YWHAB: variants seen among roughly 807,000 people sequenced by gnomAD.
YWHAB encodes tyrosine 3-monooxygenase/tryptophan 5-monooxygenase activation protein beta.
In YWHAB, 2 loss-of-function variants were observed where a neutral mutation model predicts 28.5. The ratio of observed to expected loss-of-function variants is 0.07; its 90% confidence interval spans 0.03 to 0.22. YWHAB has a LOEUF of 0.22. YWHAB is among the 10% of genes least tolerant of loss of function. YWHAB has a pLI of 1.00. For synonymous variants in YWHAB, 103 were observed against 104.7 expected (o/e 0.98, Z 0.10); for missense variants, 148 against 297.1 (o/e 0.50, Z 3.69).
intron 1 of YWHAB, among the ~76,000 whole-genome samples, chr20:44,893,738 G>A (rs959777864): frequency 4.3e-5 from 5 of 117,408 alleles, no homozygotes; most frequent in Admixed American, 1.2e-4. Flanking sequence ...CGCTCTTGTC[G>A]CCCAGGCTGG....
chr20:44,891,572 C>G (rs926571633), intron 1 of YWHAB, among the ~76,000 whole-genome samples: 2 of 152,208 alleles, frequency 1.3e-5, no homozygotes, highest in African/African-American at 4.8e-5. Flanking sequence ...CTTTATGGAT[C>G]AGAATTAACA....
At chr20:44,886,222 C>T (rs1433043370) in intron 1 of YWHAB, 1 of 152,534 alleles carries the variant, frequency 6.6e-6, no homozygotes, top group African/African-American at 2.4e-5. Context: ...CGACCCCTCC[C>T]TGCGTCTTGG....
chr20:44,890,798 C>CA (rs1430850065), intron 1 of YWHAB, among the ~76,000 whole-genome samples: 1 of 151,764 alleles, frequency 6.6e-6, no homozygotes, highest in Non-Finnish European at 1.5e-5. Flanking sequence ...CGTGAGCCAC[C>CA]ACGCCTGGCT....
At chr20:44,903,920 A>G (rs1029693396) in intron 2 of YWHAB, 73 bp from the exon 3 acceptor site, 5 of 1,516,668 alleles carry the variant, frequency 3.3e-6, no homozygotes, top group African/African-American at 1.4e-5. Context: ...GCAGTAGTGT[A>G]TATCTTGAAT....
At chr20:44,888,555 C>G (rs545789753) in intron 1 of YWHAB, among the ~76,000 whole-genome samples, 1 of 152,182 alleles carries the variant, frequency 6.6e-6, no homozygotes, top group East Asian at 1.9e-4. Flanking sequence ...AGAGACAGCA[C>G]ATGTATATGT....
intron 1 of YWHAB, among the ~76,000 whole-genome samples, chr20:44,898,404 T>C (rs2066607833): frequency 6.6e-6 from 1 of 152,198 alleles, no homozygotes; most frequent in African/African-American, 2.4e-5. Context: ...CCCTAAAACA[T>C]TTTTAGGTGA....
At chr20:44,903,213 A>T in intron 2 of YWHAB, 1 of 436,268 alleles carries the variant, frequency 2.3e-6, no homozygotes, top group Non-Finnish European at 3.1e-6. Context: ...TAAGCGCTTT[A>T]TGTATGTCAA....
At chr20:44,899,705 T>G (rs2066615880) in intron 1 of YWHAB, among the ~76,000 whole-genome samples, 1 of 152,220 alleles carries the variant, frequency 6.6e-6, no homozygotes, top group African/African-American at 2.4e-5. Context: ...CCGCACTCTG[T>G]AAATGGTGAT....
At chr20:44,898,621 G>A (rs1202574240) in intron 1 of YWHAB, among the ~76,000 whole-genome samples, 1 of 151,356 alleles carries the variant, frequency 6.6e-6, no homozygotes, top group Non-Finnish European at 1.5e-5. Flanking sequence ...CGATTCTCTT[G>A]CTCAGCCTCC....
intron 1 of YWHAB, among the ~76,000 whole-genome samples, chr20:44,896,042 T>C (rs888525898): frequency 1.3e-5 from 2 of 152,210 alleles, no homozygotes; most frequent in African/African-American, 4.8e-5. Context: ...AGACACTATG[T>C]AAGTAATTTT....
At chr20:44,901,385 T>C (rs2066625436) in intron 1 of YWHAB, 146 bp from the exon 2 acceptor site, 1 of 817,460 alleles carries the variant, frequency 1.2e-6, no homozygotes, top group African/African-American at 1.7e-5. Context: ...GTTTGATATA[T>C]CATCAATATT....
intron 3 of YWHAB, 144 bp downstream of exon 3, chr20:44,904,260 A>G: frequency 9.1e-7 from 1 of 1,094,628 alleles, no homozygotes; most frequent in Non-Finnish European, 1.3e-6. Flanking sequence ...ATTGTGACGA[A>G]CGGGGTCATG....
intron 2 of YWHAB, 146 bp from the exon 3 acceptor site, chr20:44,903,847 C>G: frequency 5.5e-6 from 5 of 909,554 alleles, no homozygotes; most frequent in Non-Finnish European, 6.4e-6. Context: ...CTGGGCTAAA[C>G]AACATTTAGT....
intron 2 of YWHAB, chr20:44,903,219 G>A: frequency 2.6e-6 from 1 of 390,804 alleles, no homozygotes; most frequent in Non-Finnish European, 3.5e-6. Flanking sequence ...CTTTATGTAT[G>A]TCAACTTATT....
At chr20:44,889,203 G>A (rs919989755) in intron 1 of YWHAB, among the ~76,000 whole-genome samples, 20 of 152,174 alleles carry the variant, frequency 1.3e-4, no homozygotes, top group African/African-American at 4.8e-4. Flanking sequence ...TATGATCTTA[G>A]CAGTCATCTG....
Position 44,903,187 on chromosome 20 carries a change from G to A in YWHAB, c.301-806G>A, listed in dbSNP as rs749310578. 2.4e-4 allele frequency: 183 copies of A among 748,516 alleles called. 3 individuals are homozygous for A. The highest frequency in any genetic ancestry group is 2.8e-4 in the Non-Finnish European group (170 of 612,594). 46.4% of individuals were successfully genotyped at this position (748,516 alleles called of 1,614,324 possible). A position where few individuals can be genotyped will look rare whatever the true frequency, so the allele number is the denominator to read the frequency against. On this transcript the variant is annotated intron_variant, in intron 2 of 5. Coordinates refer to ENST00000353703, the MANE Select transcript of YWHAB (RefSeq NM_139323.4). ...TAGCTACTCTTTGAGTGCTTACTACGTGCCAGGCAACGTGTTAAGCGCTTT... is the reference window on the plus strand; with the variant it reads ...TAGCTACTCTTTGAGTGCTTACTACATGCCAGGCAACGTGTTAAGCGCTTT...
In YWHAB at chr20:44,906,561, C is replaced by T; in HGVS notation, c.*123C>T. ...TACGTCGACTTTCGATTTTTCACAG[C>T]CTCAGCCTAGGAAAAATGGTTCATG... On this transcript the variant is annotated 3_prime_UTR_variant, in exon 6 of 6. Coordinates refer to ENST00000353703, the MANE Select transcript of YWHAB (RefSeq NM_139323.4). 3 of 849,168 alleles carry T rather than the reference C, an allele frequency of 3.5e-6. No homozygotes were observed. The allele number at this position is 849,168 out of a possible 1,614,324, so 52.6% of individuals were successfully genotyped here. A position where few individuals can be genotyped will look rare whatever the true frequency, so the allele number is the denominator to read the frequency against.
rs192795148 is a variant in YWHAB, at chr20:44,900,932, C to T, written c.-3-599C>T. On this transcript the variant is annotated intron_variant, in intron 1 of 5. Coordinates refer to ENST00000353703, the MANE Select transcript of YWHAB (RefSeq NM_139323.4). ...CTGGGATTACAAATGCCTGCCACCA[C>T]GCCTGGCTAATTTTTGTATTTTTAG... 3.9e-4 allele frequency among the ~76,000 whole-genome samples: 60 copies of T among 152,232 alleles called. 1 individual carries two copies. The East Asian group carries it at 0.011, about 27-fold the overall frequency.
chr20:44,903,221 C>A, intron 2 of YWHAB: 1 of 373,006 alleles, frequency 2.7e-6, no homozygotes, highest in Non-Finnish European at 3.7e-6. Context: ...TTATGTATGT[C>A]AACTTATTTA....
Sources: gnomAD v4.1 joint callset for allele counts (sites outside exome capture counted in the v4.1 genomes callset) on GRCh38, gnomAD v4.1.1 for gene constraint, MANE v1.5 for transcripts, NCBI Gene and HGNC (gene_info 2026-07-23, HGNC 2026-07-21) for gene names.